The following ARB2A variants were observed in gnomAD, a reference collection of about 807,000 sequenced individuals.
The protein encoded by ARB2A is cotranscriptional regulator ARB2A.
At chr5:93,939,971 C>CA in the ARB2A span, among the ~76,000 whole-genome samples, 1 of 151,652 alleles carries the variant, frequency 6.6e-6, no homozygotes, top group Non-Finnish European at 1.5e-5. Flanking sequence ...TTTTTAAACT[C>CA]AGAGTGTATA....
the ARB2A span, among the ~76,000 whole-genome samples, chr5:94,093,499 T>C: frequency 6.6e-6 from 1 of 152,220 alleles, no homozygotes. Flanking sequence ...ACACTAATCC[T>C]AGTGGATCAG....
At chr5:93,815,247 T>C in the ARB2A span, among the ~76,000 whole-genome samples, 1 of 152,156 alleles carries the variant, frequency 6.6e-6, no homozygotes. Flanking sequence ...ACAGAAAATA[T>C]GAAGTGAGAA....
chr5:93,851,002 T>A, the ARB2A span, among the ~76,000 whole-genome samples: 3 of 149,376 alleles, frequency 2.0e-5, no homozygotes. Context: ...TTCTTCTTTT[T>A]ATTTTTTTCC....
chr5:93,855,262 C>T, the ARB2A span, among the ~76,000 whole-genome samples: 3 of 152,134 alleles, frequency 2.0e-5, no homozygotes, highest in African/African-American at 4.8e-5. Flanking sequence ...TCTGTTTTAT[C>T]AGAGACTAGG....
the ARB2A span, among the ~76,000 whole-genome samples, chr5:93,858,800 T>C: frequency 1.3e-5 from 2 of 152,160 alleles, no homozygotes; most frequent in East Asian, 3.8e-4. Context: ...AAAGAAACAC[T>C]ATAATGTAAA....
chr5:93,685,210 G>A, the ARB2A span, among the ~76,000 whole-genome samples: 1 of 152,214 alleles, frequency 6.6e-6, no homozygotes, highest in South Asian at 2.1e-4. Flanking sequence ...GCTTCACTCT[G>A]CAAAGATGCT....
At chr5:94,094,561 T>C in the ARB2A span, among the ~76,000 whole-genome samples, 2 of 152,230 alleles carry the variant, frequency 1.3e-5, no homozygotes, top group African/African-American at 4.8e-5. Flanking sequence ...ATTCGTATTA[T>C]AATAGTCTTG....
chr5:93,804,409 C>T, the ARB2A span, among the ~76,000 whole-genome samples: 4 of 151,836 alleles, frequency 2.6e-5, no homozygotes, highest in Non-Finnish European at 5.9e-5. Context: ...TACATACATA[C>T]CAAATAATTG....
At chr5:93,761,451 G>A in the ARB2A span, among the ~76,000 whole-genome samples, 2 of 152,172 alleles carry the variant, frequency 1.3e-5, no homozygotes, top group East Asian at 1.9e-4. Flanking sequence ...ATGGAGCCTC[G>A]CTCATTGCTA....
At chr5:93,960,042 T>C in the ARB2A span, among the ~76,000 whole-genome samples, 2 of 139,392 alleles carry the variant, frequency 1.4e-5, no homozygotes, top group African/African-American at 5.8e-5. Context: ...TATATGTTCA[T>C]ACAATTATCA....
the ARB2A span, among the ~76,000 whole-genome samples, chr5:93,911,600 C>T: frequency 2.2e-4 from 33 of 150,988 alleles, no homozygotes; most frequent in African/African-American, 7.7e-4. Context: ...CACCTTTCTA[C>T]AGTTCATGTT....
the ARB2A span, among the ~76,000 whole-genome samples, chr5:93,851,514 A>G: frequency 6.6e-6 from 1 of 152,136 alleles, no homozygotes; most frequent in Non-Finnish European, 1.5e-5. Flanking sequence ...CAGGTTAGTT[A>G]CACATGTATA....
the ARB2A span, chr5:93,734,644 G>C: frequency 6.6e-6 from 1 of 152,176 alleles, no homozygotes; most frequent in Admixed American, 6.5e-5. Context: ...ATTGGAGTCG[G>C]GAGTTGAAAT....
the ARB2A span, chr5:93,824,266 T>C: frequency 6.4e-7 from 1 of 1,570,486 alleles, no homozygotes; most frequent in East Asian, 2.3e-5. Context: ...AGAACCATTT[T>C]CCTATAAGGG....
chr5:93,745,126 G>A, the ARB2A span, among the ~76,000 whole-genome samples: 3 of 152,164 alleles, frequency 2.0e-5, no homozygotes, highest in Non-Finnish European at 4.4e-5. Context: ...CTATTCTAAG[G>A]AGACATAACC....
chr5:93,936,535 A>G, the ARB2A span, among the ~76,000 whole-genome samples: 1 of 152,132 alleles, frequency 6.6e-6, no homozygotes. Flanking sequence ...ATCAATAGCA[A>G]TTTTTCAGCG....
chr5:93,621,412 C>T, the ARB2A span, among the ~76,000 whole-genome samples: 2 of 152,216 alleles, frequency 1.3e-5, no homozygotes, highest in Admixed American at 1.3e-4. Flanking sequence ...GGCGTCTAGG[C>T]GTCTCCGGCC....
the ARB2A span, among the ~76,000 whole-genome samples, chr5:93,831,437 G>A: frequency 6.6e-6 from 1 of 152,080 alleles, no homozygotes; most frequent in Non-Finnish European, 1.5e-5. Context: ...TATGCTCCAG[G>A]CAAATCTGGA....
the ARB2A span, among the ~76,000 whole-genome samples, chr5:93,965,230 T>C: frequency 6.6e-6 from 1 of 152,022 alleles, no homozygotes; most frequent in African/African-American, 2.4e-5. Context: ...CTCAACTGGC[T>C]ATTGCTTGTT....
Sources: gnomAD v4.1 joint callset for allele counts (sites outside exome capture counted in the v4.1 genomes callset) on GRCh38, gnomAD v4.1.1 for gene constraint, MANE v1.5 for transcripts, NCBI Gene and HGNC (gene_info 2026-07-23, HGNC 2026-07-21) for gene names.